The following ST3GAL4 variants were observed in gnomAD, a reference collection of about 807,000 sequenced individuals.
ST3GAL4 encodes ST3 beta-galactoside alpha-2,3-sialyltransferase 4, also known as CMP-N-acetylneuraminate-beta-galactosamide-alpha-2,3-sialyltransferase 4.
In ST3GAL4, 24 loss-of-function variants were observed where a neutral mutation model predicts 42.6. That is an observed-to-expected ratio of 0.56 (90% CI 0.41 to 0.79). The LOEUF (loss-of-function observed/expected upper bound fraction) is 0.79, where lower values mean the gene tolerates loss of function less well. Among genes scored for constraint, ST3GAL4 ranks in the 30% least tolerant of loss-of-function variants. ST3GAL4 has a pLI of 0.00. For synonymous variants in ST3GAL4, 135 were observed against 163.2 expected (o/e 0.83, Z 1.32); for missense variants, 311 against 430.8 (o/e 0.72, Z 2.46).
chr11:126,387,524 A>G (rs1024215402), intron 1 of ST3GAL4, among the ~76,000 whole-genome samples: 13 of 152,018 alleles, frequency 8.6e-5, no homozygotes, highest in Non-Finnish European at 1.5e-4. Context: ...CAACATTTAC[A>G]AAACTAGCTG....
intron 1 of ST3GAL4, among the ~76,000 whole-genome samples, chr11:126,394,478 G>A (rs1020664498): frequency 2.0e-5 from 3 of 152,294 alleles, no homozygotes; most frequent in East Asian, 3.9e-4. Context: ...GGTCTGGAGT[G>A]TAGTAGCCTG....
At chr11:126,385,280 G>T (rs186094505) in intron 1 of ST3GAL4, among the ~76,000 whole-genome samples, 1 of 151,558 alleles carries the variant, frequency 6.6e-6, no homozygotes, top group Non-Finnish European at 1.5e-5. Context: ...TCAGCCTCCC[G>T]AGTAGGGGAC....
intron 1 of ST3GAL4, among the ~76,000 whole-genome samples, chr11:126,375,289 G>A (rs1952793443): frequency 6.6e-6 from 1 of 152,220 alleles, no homozygotes; most frequent in African/African-American, 2.4e-5. Context: ...GCTAGAGACT[G>A]TGTCTCGTGC....
chr11:126,374,354 A>G (rs1225219283), intron 1 of ST3GAL4, among the ~76,000 whole-genome samples: 1 of 149,048 alleles, frequency 6.7e-6, no homozygotes, highest in Admixed American at 6.8e-5. Flanking sequence ...TGGGAGGCTG[A>G]GGCACGAGAA....
At chr11:126,360,492 C>T (rs1318874084) in intron 1 of ST3GAL4, among the ~76,000 whole-genome samples, 2 of 152,192 alleles carry the variant, frequency 1.3e-5, no homozygotes, top group African/African-American at 2.4e-5. Context: ...GGCGCGATCT[C>T]GGCTAACTGC....
rs1953225098 is a variant in ST3GAL4, at chr11:126,386,314, C to T, written c.-60-19782C>T. On this transcript the variant is annotated intron_variant, in intron 1 of 10. Coordinates refer to ENST00000444328, the MANE Select transcript of ST3GAL4 (RefSeq NM_001254757.2). This position sits in a 1 kb window ranked among gnomAD's most constrained non-coding sequence, Gnocchi z 4.7. ...CCAAGGATGAATGCCATGAGTCCAG[C>T]ATGTCACCCTGTTTCTGTCCTGCCA... is the stretch of plus-strand genomic sequence containing the variant. Among the ~76,000 whole-genome samples, 1 of 152,138 alleles carries T rather than the reference C, an allele frequency of 6.6e-6. No homozygotes were observed. Among genetic ancestry groups the T allele is most frequent in the Non-Finnish European group, 1.5e-5 (1 of 68,010 alleles).
chr11:126,406,866 A>T lies in ST3GAL4; in HGVS notation c.102-77A>T. ...CACCTTGGGACCTTCATGCCGTGGG[A>T]GAAGGCTTAGGCTGCCTGGAACATG... On this transcript the variant is annotated intron_variant, in intron 3 of 10. Coordinates refer to ENST00000444328, the MANE Select transcript of ST3GAL4 (RefSeq NM_001254757.2). The surrounding 1 kb of genome is among the most constrained non-coding windows in gnomAD (Gnocchi z 5.4). 1 of 1,352,352 alleles carries T rather than the reference A, an allele frequency of 7.4e-7. No individual in the cohort carries two copies. Among genetic ancestry groups the T allele is most frequent in the Non-Finnish European group, 1.1e-6 (1 of 950,884 alleles). The allele number at this position is 1,352,352 out of a possible 1,614,324, so 83.8% of individuals were successfully genotyped here.
intron 1 of ST3GAL4, among the ~76,000 whole-genome samples, chr11:126,387,095 C>T (rs770335555): frequency 1.3e-5 from 2 of 152,158 alleles, no homozygotes; most frequent in Admixed American, 6.5e-5. Flanking sequence ...GGCCAGTCAG[C>T]GAGAGGCGCA....
At chr11:126,394,637 C>T (rs1365482723) in intron 1 of ST3GAL4, among the ~76,000 whole-genome samples, 1 of 152,108 alleles carries the variant, frequency 6.6e-6, no homozygotes, top group Non-Finnish European at 1.5e-5. Context: ...GATGCCCAGG[C>T]TGTTCTTGAA....
intron 1 of ST3GAL4, among the ~76,000 whole-genome samples, chr11:126,388,454 C>T (rs1953319343): frequency 6.6e-6 from 1 of 151,964 alleles, no homozygotes; most frequent in African/African-American, 2.4e-5. Flanking sequence ...CCTCAGCCTC[C>T]TAAGTAGCTG....
chr11:126,371,293 T>G (rs1344475446), intron 1 of ST3GAL4, among the ~76,000 whole-genome samples: 3 of 150,768 alleles, frequency 2.0e-5, no homozygotes, highest in African/African-American at 7.3e-5. Flanking sequence ...GCCTCCTGAA[T>G]AGCTGGGATT....
At position 126,393,612 on chromosome 11, in the gene ST3GAL4, C is replaced by T. The variant is rs994772113; in HGVS notation, c.-60-12484C>T. 1.3e-5 allele frequency among the ~76,000 whole-genome samples: 2 copies of T among 152,072 alleles called. No homozygotes were observed. Among genetic ancestry groups the T allele is most frequent in the African/African-American group, 2.4e-5 (1 of 41,400 alleles). On this transcript the variant is annotated intron_variant, in intron 1 of 10. Transcript: ENST00000444328. This position sits in a 1 kb window ranked among gnomAD's most constrained non-coding sequence, Gnocchi z 5.9. ...CTAATTTAGCCTTTCTGAAGTGGAG[C>T]CTTGGGAGCCGATGAAGCTTAATAA...
intron 1 of ST3GAL4, among the ~76,000 whole-genome samples, chr11:126,394,963 T>C (rs1207914348): frequency 6.6e-6 from 1 of 152,124 alleles, no homozygotes; most frequent in African/African-American, 2.4e-5. Flanking sequence ...CATCCTCCCA[T>C]GCATGACCCT....
In ST3GAL4 at chr11:126,366,704, C is replaced by T. The variant is rs2135391666; in HGVS notation, c.-61+10862C>T. ...CTCAGCTGCACAGGTCTGGAAACAT[C>T]CTTGTTCATCAAGCACCAGGCTGAC... On this transcript the variant is annotated intron_variant, in intron 1 of 10. Transcript: ENST00000444328. This position sits in a 1 kb window ranked among gnomAD's most constrained non-coding sequence, Gnocchi z 4.2. Among the ~76,000 whole-genome samples the T allele has an allele frequency of 6.6e-6, 1 of 152,296 alleles. No individual in the cohort carries two copies. Among genetic ancestry groups the T allele is most frequent in the South Asian group, 2.1e-4 (1 of 4,824 alleles).
rs1297833795 is a variant in ST3GAL4, at chr11:126,398,087, C to T, written c.-60-8009C>T. Among the ~76,000 whole-genome samples the T allele has an allele frequency of 6.6e-6, 1 of 152,210 alleles. No homozygotes were observed. The highest frequency in any genetic ancestry group is 6.5e-5 in the Admixed American group (1 of 15,272). ...AATCCCAAATTCTTATTTGTTTCAG[C>T]ACCACATTAAAAGTCCAAAGTCCAC... On this transcript the variant is annotated intron_variant, in intron 1 of 10. Coordinates refer to ENST00000444328, the MANE Select transcript of ST3GAL4 (RefSeq NM_001254757.2). The surrounding 1 kb of genome is among the most constrained non-coding windows in gnomAD (Gnocchi z 4.7).
Position 126,409,797 on chromosome 11 carries a change from C to A in ST3GAL4, c.771+386C>A, listed in dbSNP as rs1954438237. 6.6e-6 allele frequency among the ~76,000 whole-genome samples: 1 copy of A among 152,232 alleles called. No individual in the cohort carries two copies. The highest frequency in any genetic ancestry group is 6.5e-5 in the Admixed American group (1 of 15,284). On this transcript the variant is annotated intron_variant, in intron 9 of 10. Coordinates refer to ENST00000444328, the MANE Select transcript of ST3GAL4 (RefSeq NM_001254757.2). The surrounding 1 kb of genome is among the most constrained non-coding windows in gnomAD (Gnocchi z 4.9). ...TCATCTGTGATCTTATCTTGAAACA[C>A]TAGTCTGAACGAGTTATAAGAGTTG...
At chr11:126,389,464 T>G (rs1483809133) in intron 1 of ST3GAL4, among the ~76,000 whole-genome samples, 3 of 152,244 alleles carry the variant, frequency 2.0e-5, no homozygotes, top group Admixed American at 6.5e-5. Context: ...TGTATTTCAT[T>G]CTTTCATCAT....
intron 1 of ST3GAL4, among the ~76,000 whole-genome samples, chr11:126,385,962 C>T (rs549719078): frequency 1.3e-5 from 2 of 152,316 alleles, no homozygotes; most frequent in Admixed American, 1.3e-4. Flanking sequence ...ATCTATACCA[C>T]GTGTCCCCGT....
rs1476178377 is a variant in ST3GAL4, at chr11:126,384,010, G to T, written c.-60-22086G>T. 6.6e-6 allele frequency among the ~76,000 whole-genome samples: 1 copy of T among 152,200 alleles called. No homozygotes were observed. Among genetic ancestry groups the T allele is most frequent in the African/African-American group, 2.4e-5 (1 of 41,452 alleles). On this transcript the variant is annotated intron_variant, in intron 1 of 10. Transcript: ENST00000444328. This position sits in a 1 kb window ranked among gnomAD's most constrained non-coding sequence, Gnocchi z 5.5. Reference sequence around the variant, plus strand: ...ATCTTTGCCGAGTCCTCGTCTGGGGGCCCTGCCCCACTCTCCCTTCCCAAT... The same window carrying T: ...ATCTTTGCCGAGTCCTCGTCTGGGGTCCCTGCCCCACTCTCCCTTCCCAAT...
Sources: gnomAD v4.1 joint callset for allele counts (sites outside exome capture counted in the v4.1 genomes callset) on GRCh38, gnomAD v4.1.1 for gene constraint, Gnocchi (gnomAD v3.1) non-coding constraint, MANE v1.5 for transcripts, NCBI Gene and HGNC (gene_info 2026-07-23, HGNC 2026-07-21) for gene names.